Variants in DGKI observed in about 807,000 individuals in gnomAD.
DGKI encodes the protein diacylglycerol kinase iota.
A neutral mutation model predicts 147.5 loss-of-function variants in DGKI; 55 were observed. The observed-to-expected ratio is 0.37, with a 90% CI of 0.30 to 0.47. The LOEUF is 0.47. DGKI is among the 20% of genes least tolerant of loss of function. DGKI has a pLI of 1.00. For synonymous variants in DGKI, 469 were observed against 477.1 expected, an observed-to-expected ratio of 0.98 and a Z score of 0.22; for missense variants, 1,007 against 1,323.8, an observed-to-expected ratio of 0.76 and a Z score of 3.71.
chr7:137,581,506 G>A (rs1819191175), intron 15 of DGKI, among the ~76,000 whole-genome samples: 1 of 152,122 alleles, frequency 6.6e-6, no homozygotes, highest in South Asian at 2.1e-4. Context: ...TTCAGTAATA[G>A]TCTCTATCAC....
intron 1 of DGKI, among the ~76,000 whole-genome samples, chr7:137,708,111 C>T (rs530763526): frequency 7.9e-5 from 12 of 152,154 alleles, no homozygotes; most frequent in Non-Finnish European, 1.5e-4. Flanking sequence ...TGGCAGTACC[C>T]CACTAAGATG....
chr7:137,613,300 G>A (rs1820428863), intron 8 of DGKI, among the ~76,000 whole-genome samples: 1 of 152,096 alleles, frequency 6.6e-6, no homozygotes, highest in Non-Finnish European at 1.5e-5. Flanking sequence ...GTCTATTAAA[G>A]CGCATTCTTA....
At chr7:137,527,959 A>G (rs1279419968) in intron 20 of DGKI, among the ~76,000 whole-genome samples, 1 of 152,244 alleles carries the variant, frequency 6.6e-6, no homozygotes, top group Admixed American at 6.5e-5. Flanking sequence ...GTGAAAGGCT[A>G]TGAATTCACA....
chr7:137,539,529 C>T (rs1229483308), intron 20 of DGKI, among the ~76,000 whole-genome samples: 1 of 152,010 alleles, frequency 6.6e-6, no homozygotes, highest in Non-Finnish European at 1.5e-5. Context: ...ATACTGGCAA[C>T]TTAGTCATGC....
At chr7:137,582,090 TG>T (rs1819216543) in intron 14 of DGKI, among the ~76,000 whole-genome samples, 162 bp from the exon 15 acceptor site, 1 of 152,122 alleles carries the variant, frequency 6.6e-6, no homozygotes, top group Non-Finnish European at 1.5e-5. Flanking sequence ...AGGAAATTAT[TG>T]GATTAATTCA....
intron 23 of DGKI, among the ~76,000 whole-genome samples, chr7:137,472,420 TAC>T (rs1815014613): frequency 7.5e-6 from 1 of 132,698 alleles, no homozygotes; most frequent in Non-Finnish European, 1.5e-5. Context: ...TATATACATA[TAC>T]ATATTATATG....
intron 1 of DGKI, among the ~76,000 whole-genome samples, chr7:137,794,353 C>T (rs931842977): frequency 2.6e-5 from 4 of 152,162 alleles, no homozygotes; most frequent in African/African-American, 7.2e-5. Flanking sequence ...AAGGACAAGA[C>T]TGTACAAAGA....
At chr7:137,482,045 T>C (rs886917357) in intron 23 of DGKI, among the ~76,000 whole-genome samples, 9 of 152,014 alleles carry the variant, frequency 5.9e-5, no homozygotes, top group African/African-American at 7.2e-5. Context: ...TCTGATGTAA[T>C]CAGTTTCTGC....
In DGKI at chr7:137,386,223, A is replaced by C. The variant is rs1811172484; in HGVS notation, c.*4997T>G. ...AGTGTCCTGGGAGAGGAGGTTGTCC[A>C]AGGGCATGACTCTTTTCTTGGTTCT... On this transcript the variant is annotated 3_prime_UTR_variant, in exon 33 of 33. Coordinates refer to ENST00000614521, the MANE Select transcript of DGKI (RefSeq NM_001321708.2). 6.6e-6 allele frequency: 1 copy of C among 152,110 alleles called. No homozygotes were observed. Among genetic ancestry groups the C allele is most frequent in the Non-Finnish European group, 1.5e-5 (1 of 68,012 alleles). The allele number at this position is 152,110 out of a possible 1,614,324, so 9.4% of individuals were successfully genotyped here.
At position 137,775,034 on chromosome 7, in the gene DGKI, TTTTTC is replaced by T. The variant is rs1188348545; in HGVS notation, c.401+71423_401+71427del. The stretch of plus-strand genomic sequence containing the variant: ...AGGCAGGTCTCCTCACACGGTTTTT[TTTTTC>T]TTTTCTTTTTTTATTATTATTTTTT... On this transcript the variant is annotated intron_variant, in intron 1 of 32. Coordinates refer to ENST00000614521, the MANE Select transcript of DGKI (RefSeq NM_001321708.2). 3 of 152,084 alleles carry T rather than the reference TTTTTC, an allele frequency of 2.0e-5. No homozygotes were observed. The East Asian group carries it at 5.8e-4, about 29-fold the overall frequency. The allele number at this position is 152,084 out of a possible 1,614,324, so 9.4% of individuals were successfully genotyped here.
At chr7:137,842,701 T>C (rs1466544364) in intron 1 of DGKI, among the ~76,000 whole-genome samples, 2 of 152,148 alleles carry the variant, frequency 1.3e-5, no homozygotes, top group Non-Finnish European at 2.9e-5. Context: ...TCATAGCAGG[T>C]GCATGTAGGT....
At chr7:137,528,073 G>C (rs1817213800) in intron 20 of DGKI, among the ~76,000 whole-genome samples, 1 of 152,112 alleles carries the variant, frequency 6.6e-6, no homozygotes, top group African/African-American at 2.4e-5. Context: ...ATGAATGCAA[G>C]GAAATCAAAT....
chr7:137,678,497 G>T, intron 3 of DGKI, 60 bp downstream of exon 3: 1 of 1,515,954 alleles, frequency 6.6e-7, no homozygotes, highest in Non-Finnish European at 9.2e-7. Flanking sequence ...TAGGCAAGGT[G>T]ACCCCTCTAT....
chr7:137,539,131 G>T (rs1817609369), intron 20 of DGKI, among the ~76,000 whole-genome samples: 1 of 152,138 alleles, frequency 6.6e-6, no homozygotes, highest in Non-Finnish European at 1.5e-5. Flanking sequence ...AAGCCTTCTG[G>T]CACCTAAAAT....
chr7:137,630,935 C>T (rs1483520872), intron 6 of DGKI, among the ~76,000 whole-genome samples: 2 of 152,032 alleles, frequency 1.3e-5, no homozygotes. Context: ...TCATAATAAA[C>T]TTACCAATAA....
intron 21 of DGKI, among the ~76,000 whole-genome samples, chr7:137,507,879 T>C (rs1816422376): frequency 6.6e-6 from 1 of 152,158 alleles, no homozygotes; most frequent in Admixed American, 6.5e-5. Flanking sequence ...CAGACACTCT[T>C]CCACGAGGAG....
intron 20 of DGKI, among the ~76,000 whole-genome samples, chr7:137,541,406 C>T (rs1158277905): frequency 6.6e-6 from 1 of 152,212 alleles, no homozygotes; most frequent in Non-Finnish European, 1.5e-5. Flanking sequence ...TCACAATTCC[C>T]CAAACAATGC....
At chr7:137,715,061 G>A (rs1794336217) in intron 1 of DGKI, among the ~76,000 whole-genome samples, 1 of 152,124 alleles carries the variant, frequency 6.6e-6, no homozygotes, top group African/African-American at 2.4e-5. Context: ...CTTCTCTGTG[G>A]TTTCCCATAA....
chr7:137,799,822 G>A (rs545233157), intron 1 of DGKI, among the ~76,000 whole-genome samples: 67 of 152,276 alleles, frequency 4.4e-4, no homozygotes, highest in South Asian at 1.5e-3. Flanking sequence ...CATTAGGTGC[G>A]TCCATTTTGA....
Sources: allele counts gnomAD v4.1 joint callset (sites outside exome capture counted in the v4.1 genomes callset), GRCh38; gene constraint gnomAD v4.1.1; transcripts MANE v1.5; gene names NCBI Gene and HGNC (gene_info 2026-07-23, HGNC 2026-07-21).